ZNF366: variants seen among roughly 807,000 people sequenced by gnomAD.
ZNF366 encodes dendritic cell-specific transcript protein.
Under a neutral mutation model 47.2 loss-of-function variants are expected in ZNF366, and 20 were observed. The ratio of observed to expected loss-of-function variants is 0.42; its 90% CI spans 0.30 to 0.62. ZNF366 has a LOEUF of 0.62. Ranked by LOEUF, ZNF366 falls within the 20% of genes least tolerant of loss-of-function variation. The probability of loss-of-function intolerance (pLI) is 0.16; values close to 1 mark genes in which losing one functional copy is unlikely to be tolerated. For missense variants in ZNF366, 987 were observed against 976.3 expected, an observed-to-expected ratio of 1.01 and a Z score of -0.15; for synonymous variants, 421 against 395.1, an observed-to-expected ratio of 1.07 and a Z score of -0.78.
chr5:72,459,513 C>CACAGAGAAGATCAAACAAAACCAA (rs1743258851), intron 2 of ZNF366, among the ~76,000 whole-genome samples: 1 of 152,150 alleles, frequency 6.6e-6, no homozygotes, highest in Non-Finnish European at 1.5e-5. Flanking sequence ...AAGACCTGAG[C>CACAGAGAAGATCAAACAAAACCAA]ACAGAGAAGA....
At chr5:72,490,495 G>A (rs1472257995) in intron 1 of ZNF366, among the ~76,000 whole-genome samples, 1 of 152,176 alleles carries the variant, frequency 6.6e-6, no homozygotes, top group South Asian at 2.1e-4. Context: ...TGGGAGAGGA[G>A]ACATGCTGAA....
At chr5:72,488,944 CT>C in intron 1 of ZNF366, among the ~76,000 whole-genome samples, 1 of 152,340 alleles carries the variant, frequency 6.6e-6, no homozygotes, top group East Asian at 1.9e-4. Flanking sequence ...TCTAGCTCTT[CT>C]TTTGGGCACA....
chr5:72,455,812 C>A (rs1223256983), intron 3 of ZNF366, among the ~76,000 whole-genome samples: 1 of 152,182 alleles, frequency 6.6e-6, no homozygotes, highest in Non-Finnish European at 1.5e-5. Context: ...TGACTGTGCT[C>A]GCAGTTATTC....
Position 72,460,820 on chromosome 5 carries a change from T to C in ZNF366, c.677A>G (p.Lys226Arg), listed in dbSNP as rs372122906. 1.6e-5 allele frequency: 26 copies of C among 1,613,956 alleles called. No individual in the cohort carries two copies. The highest frequency in any genetic ancestry group is 5.0e-5 in the Admixed American group (3 of 60,004). ...CACGTCCACCCTCTCCACCTTCTGC[T>C]TGGTCTCCTCGCTCTCCTGGGGCTC... ...KAEPQESEETKQKVERVDVNV... is the reference protein window; with the variant it reads ...KAEPQESEETRQKVERVDVNV... Residue 226 changes from lysine (K) to arginine (R), a missense_variant, in exon 2 of 5, where the codon AAG becomes AGG. By Grantham distance (26) the Lys-to-Arg change is conservative (BLOSUM62 2). Transcript: ENST00000318442.
rs1014222875 is a variant in ZNF366, at chr5:72,440,010, C to T, written c.*3746G>A. 4.6e-5 allele frequency: 7 copies of T among 152,226 alleles called. No individual in the cohort carries two copies. The highest frequency in any genetic ancestry group is 3.9e-4 in the Admixed American group (6 of 15,286). The allele number at this position is 152,226 out of a possible 1,614,324, so 9.4% of individuals were successfully genotyped here. A position where few individuals can be genotyped will look rare whatever the true frequency, so the allele number is the denominator to read the frequency against. ...CAGAAAGCAATATTCACAACTTGGGCTGCTATATACTTAGAGTTTTAGTTT... is the reference window on the plus strand; with the variant it reads ...CAGAAAGCAATATTCACAACTTGGGTTGCTATATACTTAGAGTTTTAGTTT... On this transcript the variant is annotated 3_prime_UTR_variant, in exon 5 of 5. Coordinates refer to ENST00000318442, the MANE Select transcript of ZNF366 (RefSeq NM_152625.3).
chr5:72,472,214 A>T (rs1418822574), intron 1 of ZNF366, among the ~76,000 whole-genome samples: 1 of 152,212 alleles, frequency 6.6e-6, no homozygotes, highest in East Asian at 1.9e-4. Context: ...GAAACTGACA[A>T]CCAGATGTCG....
chr5:72,466,821 G>A (rs758594938), intron 1 of ZNF366, among the ~76,000 whole-genome samples: 1 of 152,222 alleles, frequency 6.6e-6, no homozygotes, highest in Non-Finnish European at 1.5e-5. Flanking sequence ...CACGCTTTGT[G>A]TGAGTTGTTG....
chr5:72,484,450 C>G lies in ZNF366; in HGVS notation c.-15+22801G>C, dbSNP rs1317890043. Among the ~76,000 whole-genome samples the G allele has an allele frequency of 4.8e-5, 7 of 147,102 alleles. No homozygotes were observed. The South Asian group carries it at 1.3e-3, about 27-fold the overall frequency. ...AGTGAGCCGAGATCCCGCCACTGCA[C>G]TCCAGCCTGGGCGACAGAGCGAGAC... is the stretch of plus-strand genomic sequence containing the variant. On this transcript the variant is annotated intron_variant, in intron 1 of 4. Transcript: ENST00000318442.
Position 72,440,291 on chromosome 5 carries a change from C to T in ZNF366, c.*3465G>A, listed in dbSNP as rs1742829304. On this transcript the variant is annotated 3_prime_UTR_variant, in exon 5 of 5. Coordinates refer to ENST00000318442, the MANE Select transcript of ZNF366 (RefSeq NM_152625.3). ...CTCTTGTGGGTTTATGAAAGGTCAG[C>T]CTTAGTCTCATGGCCGGTGGGGAGT... 6.6e-6 allele frequency: 1 copy of T among 152,038 alleles called. No individual in the cohort carries two copies. The highest frequency in any genetic ancestry group is 1.5e-5 in the Non-Finnish European group (1 of 68,016). 9.4% of individuals were successfully genotyped at this position (152,038 alleles called of 1,614,324 possible).
intron 1 of ZNF366, 142 bp from the exon 2 acceptor site, chr5:72,461,652 G>T: frequency 8.5e-7 from 1 of 1,181,146 alleles, no homozygotes; most frequent in Non-Finnish European, 1.2e-6. Context: ...TCCTAGGGCT[G>T]TTCAAAATAT....
intron 2 of ZNF366, among the ~76,000 whole-genome samples, chr5:72,459,510 G>A (rs944703696): frequency 1.3e-5 from 2 of 152,136 alleles, no homozygotes; most frequent in Non-Finnish European, 2.9e-5. Context: ...TTGAAGACCT[G>A]AGCACAGAGA....
intron 1 of ZNF366, among the ~76,000 whole-genome samples, chr5:72,481,699 T>A (rs746498763): frequency 6.6e-6 from 1 of 152,210 alleles, no homozygotes; most frequent in Non-Finnish European, 1.5e-5. Flanking sequence ...CCACCTGACA[T>A]TAAGTAAGCT....
At chr5:72,495,633 G>A (rs1246762765) in intron 1 of ZNF366, among the ~76,000 whole-genome samples, 1 of 152,200 alleles carries the variant, frequency 6.6e-6, no homozygotes, top group Non-Finnish European at 1.5e-5. Flanking sequence ...GTGGCATTTG[G>A]TGACATGCTG....
At chr5:72,463,551 T>C (rs4703903) in intron 1 of ZNF366, among the ~76,000 whole-genome samples, 28,020 of 152,188 alleles carry the variant, frequency 0.18, 2,822 homozygotes, top group East Asian at 0.44. Context: ...TGCTTCCTCC[T>C]AAAATTCTTA....
At chr5:72,448,058 C>T (rs890687913) in intron 3 of ZNF366, among the ~76,000 whole-genome samples, 2 of 152,138 alleles carry the variant, frequency 1.3e-5, no homozygotes, top group African/African-American at 4.8e-5. Flanking sequence ...TAAAAGAGTA[C>T]ACTGTATTCT....
intron 1 of ZNF366, among the ~76,000 whole-genome samples, chr5:72,478,110 T>A (rs899978036): frequency 6.6e-6 from 1 of 152,156 alleles, no homozygotes; most frequent in Non-Finnish European, 1.5e-5. Context: ...TAAGACTACA[T>A]AAGCAACCTT....
chr5:72,447,466 C>A, intron 3 of ZNF366, 49 bp from the exon 4 acceptor site: 1 of 1,599,098 alleles, frequency 6.3e-7, no homozygotes, highest in Non-Finnish European at 8.5e-7. Flanking sequence ...CGAGTGAAGC[C>A]CCATCCAGGC....
At chr5:72,496,934 TTAAG>T (rs907091195) in intron 1 of ZNF366, among the ~76,000 whole-genome samples, 60 of 152,326 alleles carry the variant, frequency 3.9e-4, no homozygotes, top group African/African-American at 1.4e-3. Flanking sequence ...TATATCTTTT[TTAAG>T]TATTTATTCA....
In ZNF366 at chr5:72,444,027, G is replaced by T. The variant is rs571394031; in HGVS notation, c.1964C>A (p.Ala655Asp). Reference protein sequence around the residue: ...PEDLSTKSEHAPEVLEEACKE... With the variant: ...PEDLSTKSEHDPEVLEEACKE... Reference sequence around the variant, plus strand: ...GCAGGCTTCCTCCAGCACCTCGGGGGCGTGCTCCGACTTGGTGGACAGATC... The same window carrying T: ...GCAGGCTTCCTCCAGCACCTCGGGGTCGTGCTCCGACTTGGTGGACAGATC... The change falls in exon 5 of 5, where the codon GCC becomes GAC. Residue 655 changes from alanine to aspartate, a missense_variant. This residue lies in a region of ZNF366 where 285 missense variants were observed against 234.8 expected (regional missense o/e 1.21). Coordinates refer to ENST00000318442, the MANE Select transcript of ZNF366 (RefSeq NM_152625.3). The T allele has an allele frequency of 2.5e-6, 4 of 1,614,168 alleles. No individual in the cohort carries two copies. In the East Asian group the frequency reaches 8.9e-5, roughly 36 times the overall value.
Sources: allele counts gnomAD v4.1 joint callset (sites outside exome capture counted in the v4.1 genomes callset), GRCh38; gene constraint gnomAD v4.1.1; regional missense constraint gnomAD v4.1.1; transcripts MANE v1.5; gene names NCBI Gene and HGNC (gene_info 2026-07-23, HGNC 2026-07-21).